AUNIP: variants seen among roughly 807,000 people sequenced by gnomAD.
The protein encoded by AUNIP is aurora kinase A and ninein interacting protein, also known as aurora kinase A- and ninein-interacting protein.
AUNIP carries 16 observed loss-of-function variants against 12.2 expected under a neutral mutation model. The ratio of observed to expected loss-of-function variants is 1.31; its 90% CI spans 0.88 to 1.99. The LOEUF (loss-of-function observed/expected upper bound fraction) is 1.99. Among genes scored for constraint, AUNIP ranks in the 30% most tolerant of loss-of-function variants. AUNIP has a pLI of 0.00. For synonymous variants in AUNIP, 142 were observed against 154.8 expected (o/e 0.92, Z 0.61); for missense variants, 411 against 419.1 (o/e 0.98, Z 0.17).
At chr1:25,840,557 G>C (rs2124500057) in intron 1 of AUNIP, among the ~76,000 whole-genome samples, 1 of 152,168 alleles carries the variant, frequency 6.6e-6, no homozygotes, top group Admixed American at 6.5e-5. Flanking sequence ...CTTCTTATGT[G>C]ACTATGACAC....
At chr1:25,833,668 C>T (rs1050023129), downstream of AUNIP, among the ~76,000 whole-genome samples, 1 of 151,908 alleles carries the variant, frequency 6.6e-6, no homozygotes, top group Non-Finnish European at 1.5e-5. Context: ...GTGGGAGAAT[C>T]ACTTGCGCCC....
At chr1:25,842,976 T>C (rs2048355821) in intron 1 of AUNIP, among the ~76,000 whole-genome samples, 1 of 151,298 alleles carries the variant, frequency 6.6e-6, no homozygotes, top group African/African-American at 2.4e-5. Context: ...AGCCTAGGAG[T>C]TTGAGACCAG....
At chr1:25,852,123 T>C (rs1180437664) in intron 1 of AUNIP, among the ~76,000 whole-genome samples, 1 of 151,970 alleles carries the variant, frequency 6.6e-6, no homozygotes, top group Non-Finnish European at 1.5e-5. Context: ...AGGCTAATTT[T>C]TGTATTTTTT....
chr1:25,831,972 C>T, downstream of AUNIP: 1 of 1,614,160 alleles, frequency 6.2e-7, no homozygotes, highest in Non-Finnish European at 8.5e-7. Context: ...TCTCTGAGGT[C>T]CTAAGGAGGA....
chr1:25,849,907 G>A (rs1557454805), intron 1 of AUNIP, among the ~76,000 whole-genome samples: 1 of 152,204 alleles, frequency 6.6e-6, no homozygotes, highest in East Asian at 1.9e-4. Flanking sequence ...AAAGTGCTGG[G>A]ATTACAGGCG....
At chr1:25,853,362 G>C (rs377254614) in intron 1 of AUNIP, among the ~76,000 whole-genome samples, 2 of 152,148 alleles carry the variant, frequency 1.3e-5, no homozygotes, top group South Asian at 2.1e-4. Flanking sequence ...TTTGGGTGGC[G>C]GAGGCAGGTG....
intron 1 of AUNIP, among the ~76,000 whole-genome samples, chr1:25,857,285 AC>A (rs2048469437): frequency 7.3e-6 from 1 of 136,742 alleles, no homozygotes; most frequent in Non-Finnish European, 1.5e-5. Context: ...GTCTTCTGTC[AC>A]CCAGGCTGGA....
chr1:25,859,300 G>C lies in AUNIP; in HGVS notation c.58C>G (p.Leu20Val). 6.3e-7 allele frequency: 1 copy of C among 1,575,754 alleles called. No homozygotes were observed. Among genetic ancestry groups the C allele is most frequent in the Non-Finnish European group, 8.6e-7 (1 of 1,162,996 alleles). Residue 20 changes from leucine to valine, a missense_variant, in exon 1 of 3, where the codon CTG (leucine) becomes GTG (valine). By Grantham distance (32) the Leu-to-Val change is conservative. Coordinates refer to ENST00000374298, the MANE Select transcript of AUNIP (RefSeq NM_024037.3). Reference sequence around the variant, plus strand: ...CCCACCTGCACTTTCCGCCTCTTCAGCGCCGCCGCGTCCAGCCACACGCCG... The same window carrying C: ...CCCACCTGCACTTTCCGCCTCTTCACCGCCGCCGCGTCCAGCCACACGCCG... Reference protein sequence around the residue: ...ACGVWLDAAALKRRKVQTHLI... With the variant: ...ACGVWLDAAAVKRRKVQTHLI...
downstream of AUNIP, chr1:25,832,254 T>C: frequency 7.8e-7 from 1 of 1,285,346 alleles, no homozygotes; most frequent in Non-Finnish European, 1.1e-6. Flanking sequence ...TTTCAGGTAA[T>C]CGTGTAGAAT....
In AUNIP at chr1:25,837,507, TC is replaced by T; in HGVS notation, c.125del (p.Gly42GlufsTer62). 1.2e-6 allele frequency: 2 copies of T among 1,613,856 alleles called. No homozygotes were observed. The highest frequency in any genetic ancestry group is 3.3e-4 in the Middle Eastern group (2 of 6,062). On this transcript the variant is annotated frameshift_variant, in exon 2 of 3. Transcript: ENST00000374298. LOFTEE classifies it high-confidence loss of function. The part of the protein sequence containing the change: ...PGTKMLTLLP[G>X]ERKANIYFTQ... ...TAAAATAAATATTAGCCTTTCTTTC[TC>T]CAGGAAGGAGTGTTAGCATTTTGGT...
In AUNIP at chr1:25,847,955, TAAAATAAACAACTA is replaced by T. The variant is rs1553124110; in HGVS notation, c.79-10415_79-10402del. On this transcript the variant is annotated intron_variant, in intron 1 of 2. Transcript: ENST00000374298. This position sits in a 1 kb window ranked among gnomAD's most constrained non-coding sequence, Gnocchi z 4.2. ...GTGAGACCCTGTCTCAAAAATAAAA[TAAAATAAACAACTA>T]AAAATAAACAACTTTCAACTTCTGC... Among the ~76,000 whole-genome samples the T allele has an allele frequency of 1.3e-5, 2 of 151,878 alleles. No homozygotes were observed. Among genetic ancestry groups the T allele is most frequent in the South Asian group, 4.2e-4 (2 of 4,806 alleles).
chr1:25,840,040 C>G (rs2048338469), intron 1 of AUNIP, among the ~76,000 whole-genome samples: 1 of 151,996 alleles, frequency 6.6e-6, no homozygotes, highest in Non-Finnish European at 1.5e-5. Flanking sequence ...TAAAAAATTA[C>G]TAGATATGTG....
chr1:25,832,410 C>CTG (rs2048257729), downstream of AUNIP: 1 of 363,644 alleles, frequency 2.7e-6, no homozygotes, highest in East Asian at 4.2e-5. Context: ...CTGTCACTCA[C>CTG]TCAGCAGCTT....
At chr1:25,854,415 C>G (rs995156141) in intron 1 of AUNIP, among the ~76,000 whole-genome samples, 2 of 152,132 alleles carry the variant, frequency 1.3e-5, no homozygotes, top group African/African-American at 4.8e-5. Flanking sequence ...CTACAAAAAT[C>G]TCATCTCTTT....
At chr1:25,839,886 C>T (rs779701837) in intron 1 of AUNIP, among the ~76,000 whole-genome samples, 1 of 152,120 alleles carries the variant, frequency 6.6e-6, no homozygotes, top group Non-Finnish European at 1.5e-5. Context: ...AAGCTGGTCT[C>T]GAACTCCTGA....
At chr1:25,836,741 T>G (rs1039667261) in intron 2 of AUNIP, among the ~76,000 whole-genome samples, 2 of 152,210 alleles carry the variant, frequency 1.3e-5, no homozygotes, top group Non-Finnish European at 2.9e-5. Context: ...TTTTTTTAAA[T>G]CTGCCCTTAC....
intron 1 of AUNIP, among the ~76,000 whole-genome samples, chr1:25,857,963 C>A (rs1047521451): frequency 4.6e-5 from 7 of 151,784 alleles, no homozygotes; most frequent in African/African-American, 1.7e-4. Flanking sequence ...GTCAGGAGAG[C>A]GAGACCATCC....
At chr1:25,844,137 G>A (rs169932) in intron 1 of AUNIP, among the ~76,000 whole-genome samples, 32,697 of 151,900 alleles carry the variant, frequency 0.22, 3,787 homozygotes, top group African/African-American at 0.27. Flanking sequence ...AGACAGTTGC[G>A]CTCTTGTTGC....
Position 25,834,684 on chromosome 1 carries a change from G to A in AUNIP, c.*309C>T. 1 of 1,094,170 alleles carries A rather than the reference G, an allele frequency of 9.1e-7. No individual in the cohort carries two copies. Among genetic ancestry groups the A allele is most frequent in the Non-Finnish European group, 1.1e-6 (1 of 899,354 alleles). The allele number at this position is 1,094,170 out of a possible 1,614,324, so 67.8% of individuals were successfully genotyped here. On this transcript the variant is annotated 3_prime_UTR_variant, in exon 3 of 3. Coordinates refer to ENST00000374298, the MANE Select transcript of AUNIP (RefSeq NM_024037.3). ...CAGACATCTGGAAGGGCAAAGAGAT[G>A]GCTCTGTGCAGGCTGAGTAAAAGGC... is the stretch of plus-strand genomic sequence containing the variant.
Sources: gnomAD v4.1 joint callset for allele counts (sites outside exome capture counted in the v4.1 genomes callset) on GRCh38, gnomAD v4.1.1 for gene constraint, Gnocchi (gnomAD v3.1) non-coding constraint, MANE v1.5 for transcripts, NCBI Gene and HGNC (gene_info 2026-07-23, HGNC 2026-07-21) for gene names.